ATRNL1: variants seen among roughly 807,000 people sequenced by gnomAD.
ATRNL1 encodes attractin-like protein 1.
In ATRNL1, 95 loss-of-function variants were observed where a neutral mutation model predicts 182.7. The observed-to-expected ratio is 0.52, with a 90% CI of 0.44 to 0.62. The LOEUF is 0.62. Ranked by LOEUF, ATRNL1 falls within the 20% of genes least tolerant of loss-of-function variation. ATRNL1 has a pLI of 0.00. For missense variants in ATRNL1, 1,471 were observed against 1,679.5 expected (o/e 0.88, Z 2.17); for synonymous variants, 576 against 568.3 (o/e 1.01, Z -0.19).
At chr10:115,510,298 T>A (rs1554982345) in intron 24 of ATRNL1, among the ~76,000 whole-genome samples, 2 of 152,104 alleles carry the variant, frequency 1.3e-5, no homozygotes, top group Non-Finnish European at 1.5e-5. Flanking sequence ...GTTCTGTTAG[T>A]AAATTTTTAT....
intron 1 of ATRNL1, among the ~76,000 whole-genome samples, chr10:115,106,713 C>G (rs1844029016): frequency 6.6e-6 from 1 of 152,158 alleles, no homozygotes; most frequent in African/African-American, 2.4e-5. Flanking sequence ...TCTCTTGCCA[C>G]TGCCATGTAA....
At chr10:115,168,731 G>A (rs1459353425) in intron 7 of ATRNL1, among the ~76,000 whole-genome samples, 1 of 151,934 alleles carries the variant, frequency 6.6e-6, no homozygotes, top group Non-Finnish European at 1.5e-5. Context: ...TAAATAATTT[G>A]CAAATATTTT....
At chr10:115,097,961 AAT>A (rs781924989) in intron 1 of ATRNL1, among the ~76,000 whole-genome samples, 34 of 151,870 alleles carry the variant, frequency 2.2e-4, no homozygotes, top group Non-Finnish European at 4.0e-4. Flanking sequence ...ACAAAAAACA[AAT>A]ATATATATAT....
intron 24 of ATRNL1, among the ~76,000 whole-genome samples, chr10:115,502,032 C>A (rs981852453): frequency 6.6e-6 from 1 of 151,964 alleles, no homozygotes; most frequent in Admixed American, 6.6e-5. Flanking sequence ...TTTAAGATAG[C>A]CAAAGTTTAA....
intron 9 of ATRNL1, among the ~76,000 whole-genome samples, chr10:115,230,617 G>T (rs1849883537): frequency 6.6e-6 from 1 of 152,144 alleles, no homozygotes; most frequent in African/African-American, 2.4e-5. Context: ...GTTTTGAACA[G>T]ATATGTGACT....
chr10:115,721,714 A>G (rs887735576), intron 26 of ATRNL1, among the ~76,000 whole-genome samples: 53 of 152,314 alleles, frequency 3.5e-4, no homozygotes, highest in African/African-American at 1.1e-3. Context: ...ATACAATTCA[A>G]GTTGAGATTT....
chr10:115,252,171 C>T (rs909756598), intron 10 of ATRNL1, among the ~76,000 whole-genome samples: 7 of 152,072 alleles, frequency 4.6e-5, no homozygotes, highest in Admixed American at 1.3e-4. Flanking sequence ...GGACTACAGG[C>T]GCCCGCCACC....
chr10:115,717,060 C>A (rs1947273340), intron 26 of ATRNL1, among the ~76,000 whole-genome samples: 1 of 152,096 alleles, frequency 6.6e-6, no homozygotes, highest in South Asian at 2.1e-4. Context: ...CATCCTTTTG[C>A]TCATTTTGAT....
chr10:115,367,566 CT>C (rs1451603074), intron 19 of ATRNL1, among the ~76,000 whole-genome samples: 1 of 152,094 alleles, frequency 6.6e-6, no homozygotes, highest in Non-Finnish European at 1.5e-5. Flanking sequence ...TGGTGAGGAA[CT>C]GCGTCCCTTT....
intron 20 of ATRNL1, among the ~76,000 whole-genome samples, chr10:115,408,249 C>T (rs868909431): frequency 4.6e-5 from 7 of 151,224 alleles, no homozygotes; most frequent in African/African-American, 1.2e-4. Flanking sequence ...ATGATCCACC[C>T]GCCTCGGCCT....
chr10:115,626,693 A>G lies in ATRNL1; in HGVS notation c.3795+77157A>G, dbSNP rs574031491. On this transcript the variant is annotated intron_variant, in intron 26 of 28. Transcript: ENST00000355044. ...CAGATTTCACAGACTACATTAGGTT[A>G]GATTTGAAAGAAAAATAGGTGAATT... Among the ~76,000 whole-genome samples, 195 of 152,352 alleles carry G rather than the reference A, an allele frequency of 1.3e-3. 1 individual carries two copies. Among genetic ancestry groups the G allele is most frequent in the African/African-American group, 4.4e-3 (185 of 41,596 alleles).
rs191504629 is a variant in ATRNL1, at chr10:115,580,522, G to C, written c.3795+30986G>C. ...TTCTCACTGCTTTCAAAATTCTCTCGGTCTTTAACTTTTGTCAAATCAATT... is the reference window on the plus strand; with the variant it reads ...TTCTCACTGCTTTCAAAATTCTCTCCGTCTTTAACTTTTGTCAAATCAATT... On this transcript the variant is annotated intron_variant, in intron 26 of 28. Transcript: ENST00000355044. 2.9e-4 allele frequency among the ~76,000 whole-genome samples: 44 copies of C among 151,758 alleles called. No individual in the cohort carries two copies. The East Asian group carries it at 8.2e-3, about 28-fold the overall frequency.
intron 28 of ATRNL1, among the ~76,000 whole-genome samples, chr10:115,916,588 T>C (rs1278901989): frequency 6.6e-6 from 1 of 152,264 alleles, no homozygotes; most frequent in Non-Finnish European, 1.5e-5. Context: ...GATAAATTTC[T>C]GTAAAGCACA....
At chr10:115,212,861 AAGG>A (rs1223294141) in intron 8 of ATRNL1, among the ~76,000 whole-genome samples, 2 of 152,014 alleles carry the variant, frequency 1.3e-5, no homozygotes, top group African/African-American at 4.8e-5. Flanking sequence ...TGAATTGTGG[AAGG>A]AGGGAGAGGA....
chr10:115,653,660 G>A (rs1341243595), intron 26 of ATRNL1, among the ~76,000 whole-genome samples: 4 of 152,046 alleles, frequency 2.6e-5, no homozygotes, highest in Non-Finnish European at 5.9e-5. Flanking sequence ...TTTTCTCTGT[G>A]TTCTCTAGCA....
In ATRNL1 at chr10:115,344,780, C is replaced by A. The variant is rs973591752; in HGVS notation, c.3175+10361C>A. Among the ~76,000 whole-genome samples the A allele has an allele frequency of 2.0e-5, 3 of 152,196 alleles. No individual in the cohort carries two copies. The East Asian group carries it at 5.8e-4, about 29-fold the overall frequency. ...GCAAGTCTCAGAGGCTCACCTAAGA[C>A]CCTCAACATAGAACGTGGGTATTGC... On this transcript the variant is annotated intron_variant, in intron 19 of 28. Transcript: ENST00000355044.
At chr10:115,944,505 T>C (rs985283470) in intron 28 of ATRNL1, among the ~76,000 whole-genome samples, 153 bp from the exon 29 acceptor site, 1 of 152,126 alleles carries the variant, frequency 6.6e-6, no homozygotes, top group Non-Finnish European at 1.5e-5. Context: ...AGAAACATTT[T>C]AGGTAAAGGG....
intron 26 of ATRNL1, among the ~76,000 whole-genome samples, chr10:115,649,309 A>G (rs1555033674): frequency 6.6e-6 from 1 of 152,144 alleles, no homozygotes; most frequent in South Asian, 2.1e-4. Context: ...ATTTCATAAT[A>G]AGGCCTCTGA....
intron 24 of ATRNL1, among the ~76,000 whole-genome samples, chr10:115,508,695 C>G (rs561817423): frequency 6.6e-6 from 1 of 151,944 alleles, no homozygotes; most frequent in Admixed American, 6.6e-5. Flanking sequence ...TTCTTCAATT[C>G]TACAAAGTCT....
Sources: allele counts gnomAD v4.1 joint callset (sites outside exome capture counted in the v4.1 genomes callset), GRCh38; gene constraint gnomAD v4.1.1; transcripts MANE v1.5; gene names NCBI Gene and HGNC (gene_info 2026-07-23, HGNC 2026-07-21).